The following CDT1 variants were observed in gnomAD, a reference collection of about 807,000 sequenced individuals.
CDT1 encodes the protein chromatin licensing and DNA replication factor 1.
Under a neutral mutation model 49.3 loss-of-function variants are expected in CDT1, and 66 were observed. The ratio of observed to expected loss-of-function variants is 1.34; its 90% CI spans 1.10 to 1.64. The LOEUF is 1.64. Among genes scored for constraint, CDT1 ranks in the 40% most tolerant of loss-of-function variants. CDT1 has a pLI of 0.00. For synonymous variants in CDT1, 424 were observed against 347.4 expected, an observed-to-expected ratio of 1.22 and a Z score of -2.45; for missense variants, 958 against 807.7, an observed-to-expected ratio of 1.19 and a Z score of -2.26.
chr16:88,807,006 C>G, intron 7 of CDT1, 45 bp from the exon 8 acceptor site: 1 of 1,611,470 alleles, frequency 6.2e-7, no homozygotes, highest in Non-Finnish European at 8.5e-7. Context: ...GCCAGGGGCA[C>G]GTTGCATCTT....
chr16:88,809,211 G>T lies in CDT1; in HGVS notation c.*933G>T. The stretch of plus-strand genomic sequence containing the variant: ...GGCCTCTGCCCACACCTTGACTTCA[G>T]TATTTCTGACCTCCTAAACTCTAAT... On this transcript the variant is annotated 3_prime_UTR_variant, in exon 10 of 10. Coordinates refer to ENST00000301019, the MANE Select transcript of CDT1 (RefSeq NM_030928.4). 2.9e-6 allele frequency: 1 copy of T among 347,578 alleles called. No individual in the cohort carries two copies. The highest frequency in any genetic ancestry group is 5.7e-6 in the Non-Finnish European group (1 of 175,834). 21.5% of individuals were successfully genotyped at this position (347,578 alleles called of 1,614,324 possible). A position where few individuals can be genotyped will look rare whatever the true frequency, so the allele number is the denominator to read the frequency against.
intron 9 of CDT1, 96 bp from the exon 10 acceptor site, chr16:88,808,019 C>A: frequency 2.2e-6 from 3 of 1,385,800 alleles, no homozygotes; most frequent in South Asian, 1.2e-5. Context: ...GGCGACCAGG[C>A]AGGCACAGAG....
chr16:88,806,061 C>T lies in CDT1; in HGVS notation c.873C>T (p.Leu291=). 1 of 1,600,630 alleles carries T rather than the reference C, an allele frequency of 6.2e-7. No individual in the cohort carries two copies. The highest frequency in any genetic ancestry group is 8.5e-7 in the Non-Finnish European group (1 of 1,177,208). The change falls in exon 6 of 10, where the codon CTC becomes CTT. Residue 291 remains leucine (L), a synonymous_variant. Transcript: ENST00000301019. ...CCCCCCAGCTCACGGCCTCGCGCCT[C>T]CTGCAGCGACGGCAGATCTTCAGCC... is the stretch of plus-strand genomic sequence containing the variant. The part of the protein sequence containing the change: ...GAAPQLTASR[L]LQRRQIFSQK...
intron 7 of CDT1, among the ~76,000 whole-genome samples, 188 bp downstream of exon 7, chr16:88,806,862 C>T (rs906922518): frequency 6.6e-6 from 1 of 152,272 alleles, no homozygotes; most frequent in South Asian, 2.1e-4. Flanking sequence ...CCTGGCTCTG[C>T]CACTAGCCCC....
At position 88,805,581 on chromosome 16, in the gene CDT1, C is replaced by G; in HGVS notation, c.630C>G (p.Arg210=). 6.2e-7 allele frequency: 1 copy of G among 1,612,864 alleles called. No homozygotes were observed. Among genetic ancestry groups the G allele is most frequent in the African/African-American group, 1.3e-5 (1 of 75,062 alleles). ...CCATCGTGGGCATGCTCCACAACCGCTCCGAGACGCCCACCTTTGCCAAGG... is the reference window on the plus strand; with the variant it reads ...CCATCGTGGGCATGCTCCACAACCGGTCCGAGACGCCCACCTTTGCCAAGG... ...MDTIVGMLHN[R]SETPTFAKVQ... is the part of the protein sequence containing the mutation. The change falls in exon 4 of 10, where the codon CGC becomes CGG. Residue 210 remains arginine (R), a synonymous_variant. Transcript: ENST00000301019.
In CDT1 at chr16:88,805,927, G is replaced by T. The variant is rs955819014; in HGVS notation, c.832+58G>T. 5.0e-6 allele frequency: 8 copies of T among 1,600,554 alleles called. No homozygotes were observed. The African/African-American group carries it at 1.1e-4, about 21-fold the overall frequency. ...ATCTGTGAGCCGCACAGTTTCCAGG[G>T]TGGGTGTGAGGTGCTGGGCATCTGG... On this transcript the variant is annotated intron_variant, in intron 5 of 9. Transcript: ENST00000301019.
chr16:88,807,314 C>G lies in CDT1; in HGVS notation c.1309C>G (p.Gln437Glu). Residue 437 changes from glutamine to glutamate, a missense_variant, in exon 9 of 10, where the codon CAG becomes GAG. Coordinates refer to ENST00000301019, the MANE Select transcript of CDT1 (RefSeq NM_030928.4). ...CAAGGAGGCACAGAAGCAGCTGGCA[C>G]AGATGACGCGGTGCCCGGAGCAGGA... ...RAKEAQKQLA[Q>E]MTRCPEQEQR... 6.2e-7 allele frequency: 1 copy of G among 1,612,528 alleles called. No homozygotes were observed. Among genetic ancestry groups the G allele is most frequent in the Non-Finnish European group, 8.5e-7 (1 of 1,179,940 alleles).
At chr16:88,807,712 C>T (rs1182507098) in intron 9 of CDT1, among the ~76,000 whole-genome samples, 1 of 152,210 alleles carries the variant, frequency 6.6e-6, no homozygotes, top group South Asian at 2.1e-4. Flanking sequence ...CAGCTTCCCC[C>T]TCACAGCTCT....
At chr16:88,805,682 G>C (rs1908825669) in intron 4 of CDT1, 42 bp from the exon 5 acceptor site, 1 of 1,612,584 alleles carries the variant, frequency 6.2e-7, no homozygotes, top group Non-Finnish European at 8.5e-7. Context: ...AGTTGGGGGT[G>C]GGCCCGGGCC....
Position 88,804,664 on chromosome 16 carries a change from C to T in CDT1, c.348C>T (p.Asp116=), listed in dbSNP as rs1462896302. ...CGCCCCACCTGACATCCGCGCAGGA[C>T]CAGGTGAGGGGCGGGGCCTGGGGCA... is the stretch of plus-strand genomic sequence containing the variant. ...GQPPHLTSAQ[D]QDTISELASC... The change falls in exon 2 of 10, where the codon GAC becomes GAT. Residue 116 remains aspartate, a synonymous_variant. Transcript: ENST00000301019. 1 of 1,612,454 alleles carries T rather than the reference C, an allele frequency of 6.2e-7. No individual in the cohort carries two copies. Among genetic ancestry groups the T allele is most frequent in the African/African-American group, 1.3e-5 (1 of 74,938 alleles).
chr16:88,806,823 G>T, intron 7 of CDT1, 149 bp downstream of exon 7: 1 of 1,231,792 alleles, frequency 8.1e-7, no homozygotes, highest in Non-Finnish European at 1.1e-6. Flanking sequence ...GGTGGCATTT[G>T]CCCTCTGTCC....
Position 88,804,872 on chromosome 16 carries a change from G to C in CDT1, c.462G>C (p.Glu154Asp). 1 of 1,595,074 alleles carries C rather than the reference G, an allele frequency of 6.3e-7. No individual in the cohort carries two copies. The highest frequency in any genetic ancestry group is 8.5e-7 in the Non-Finnish European group (1 of 1,173,154). Residue 154 changes from glutamate to aspartate, a missense_variant, in exon 3 of 10, where the codon GAG becomes GAC. Transcript: ENST00000301019. Reference protein sequence around the residue: ...AQDAGESCTPEAEGRPEEPCG... With the variant: ...AQDAGESCTPDAEGRPEEPCG... ...ATGCTGGGGAGTCCTGCACCCCAGA[G>C]GCCGAGGGCCGCCCTGAGGAGCCAT...
chr16:88,805,575 C>T lies in CDT1; in HGVS notation c.624C>T (p.His208=). The T allele has an allele frequency of 1.2e-6, 2 of 1,612,892 alleles. No individual in the cohort carries two copies. Among genetic ancestry groups the T allele is most frequent in the Non-Finnish European group, 1.7e-6 (2 of 1,179,978 alleles). The part of the protein sequence containing the change: ...RSMDTIVGML[H]NRSETPTFAK... ...TGGACACCATCGTGGGCATGCTCCA[C>T]AACCGCTCCGAGACGCCCACCTTTG... The change falls in exon 4 of 10, where the codon CAC becomes CAT. Residue 208 remains histidine, a synonymous_variant. Transcript: ENST00000301019.
intron 7 of CDT1, 89 bp downstream of exon 7, chr16:88,806,763 A>G: frequency 6.8e-7 from 1 of 1,478,790 alleles, no homozygotes. Context: ...CTTGGTGATG[A>G]GCTTGACGCC....
intron 1 of CDT1, 26 bp downstream of exon 1, chr16:88,804,085 CG>C: frequency 2.3e-6 from 3 of 1,324,624 alleles, no homozygotes; most frequent in South Asian, 1.7e-5. Context: ...AGACTGAGGC[CG>C]GGGAGTTGGG....
At position 88,808,217 on chromosome 16, in the gene CDT1, C is replaced by T. The variant is rs752730813; in HGVS notation, c.1580C>T (p.Ala527Val). 1.4e-5 allele frequency: 22 copies of T among 1,610,802 alleles called. No homozygotes were observed. Among genetic ancestry groups the T allele is most frequent in the East Asian group, 4.5e-5 (2 of 44,836 alleles). ...ACCTACGTCAAGCTGGACAAGGCCG[C>T]GGACCTCGCCCACATCACTGCACGC... Reference protein sequence around the residue: ...TDTYVKLDKAADLAHITARLA... With the variant: ...TDTYVKLDKAVDLAHITARLA... The change falls in exon 10 of 10, where the codon GCG becomes GTG. Residue 527 changes from alanine to valine, a missense_variant. By Grantham distance (64) the Ala-to-Val change is moderately conservative. Transcript: ENST00000301019.
At position 88,808,687 on chromosome 16, in the gene CDT1, G is replaced by A. The variant is rs1321465643; in HGVS notation, c.*409G>A. ...TGAATATGGGACCTCCCACAGCAAAGGGTGACTTTTGTCATTAAGAAAGAC... is the reference window on the plus strand; with the variant it reads ...TGAATATGGGACCTCCCACAGCAAAAGGTGACTTTTGTCATTAAGAAAGAC... On this transcript the variant is annotated 3_prime_UTR_variant, in exon 10 of 10. Coordinates refer to ENST00000301019, the MANE Select transcript of CDT1 (RefSeq NM_030928.4). 1.4e-5 allele frequency: 3 copies of A among 221,790 alleles called. No homozygotes were observed. The East Asian group carries it at 3.4e-4, about 25-fold the overall frequency. The allele number at this position is 221,790 out of a possible 1,614,324, so 13.7% of individuals were successfully genotyped here.
Position 88,808,348 on chromosome 16 carries a change from T to C in CDT1, c.*70T>C. On this transcript the variant is annotated 3_prime_UTR_variant, in exon 10 of 10. Transcript: ENST00000301019. ...GGCCTGGGCCCACCAGCATTTTCTT[T>C]TATGAACATGATACACTTTGGCCTT... is the stretch of plus-strand genomic sequence containing the variant. The C allele has an allele frequency of 6.7e-7, 1 of 1,499,182 alleles. No individual in the cohort carries two copies. Among genetic ancestry groups the C allele is most frequent in the Non-Finnish European group, 9.0e-7 (1 of 1,113,156 alleles). The allele number at this position is 1,499,182 out of a possible 1,614,324, so 92.9% of individuals were successfully genotyped here. A position where few individuals can be genotyped will look rare whatever the true frequency, so the allele number is the denominator to read the frequency against.
chr16:88,808,429 C>A lies in CDT1; in HGVS notation c.*151C>A. On this transcript the variant is annotated 3_prime_UTR_variant, in exon 10 of 10. Coordinates refer to ENST00000301019, the MANE Select transcript of CDT1 (RefSeq NM_030928.4). ...CAGATGTGGGCTGCAGGCTGCACAG[C>A]CCGAGGGTCTCTGGCTGCGGGCGGT... The A allele has an allele frequency of 1.1e-6, 1 of 889,572 alleles. No individual in the cohort carries two copies. Among genetic ancestry groups the A allele is most frequent in the Non-Finnish European group, 1.7e-6 (1 of 597,816 alleles). The allele number at this position is 889,572 out of a possible 1,614,324, so 55.1% of individuals were successfully genotyped here. A position where few individuals can be genotyped will look rare whatever the true frequency, so the allele number is the denominator to read the frequency against.
Sources: gnomAD v4.1 joint callset for allele counts (sites outside exome capture counted in the v4.1 genomes callset) on GRCh38, gnomAD v4.1.1 for gene constraint, MANE v1.5 for transcripts, NCBI Gene and HGNC (gene_info 2026-07-23, HGNC 2026-07-21) for gene names.